Variants in FNDC3B observed in about 807,000 individuals in gnomAD.
FNDC3B encodes fibronectin type III domain-containing protein 3B.
A neutral mutation model predicts 151.5 loss-of-function variants in FNDC3B; 12 were observed. That is an observed-to-expected ratio of 0.08 (90% CI 0.05 to 0.13). FNDC3B has a LOEUF of 0.13. Ranked by LOEUF, FNDC3B falls within the 10% of genes least tolerant of loss-of-function variation. FNDC3B has a pLI of 1.00. For synonymous variants in FNDC3B, 528 were observed against 549.0 expected (o/e 0.96, Z 0.54); for missense variants, 1,214 against 1,505.3 (o/e 0.81, Z 3.20).
intron 2 of FNDC3B, among the ~76,000 whole-genome samples, chr3:172,115,471 T>C (rs1218464798): frequency 1.3e-5 from 2 of 152,216 alleles, no homozygotes; most frequent in Non-Finnish European, 2.9e-5. Flanking sequence ...TGATGTTTGC[T>C]GCCTGCCCTT....
intron 9 of FNDC3B, 171 bp from the exon 10 acceptor site, chr3:172,307,192 G>A (rs1576894623): frequency 1.6e-6 from 1 of 639,674 alleles, no homozygotes; most frequent in African/African-American, 1.8e-5. Context: ...ACTGTCCCCT[G>A]TTAATGCTAA....
intron 6 of FNDC3B, among the ~76,000 whole-genome samples, chr3:172,281,735 G>A (rs1729735503): frequency 6.6e-6 from 1 of 152,138 alleles, no homozygotes; most frequent in African/African-American, 2.4e-5. Flanking sequence ...CAAGTACCAA[G>A]TTCTTAAGAG....
intron 23 of FNDC3B, among the ~76,000 whole-genome samples, chr3:172,364,320 A>C (rs1056232130): frequency 6.6e-6 from 1 of 152,272 alleles, no homozygotes; most frequent in Non-Finnish European, 1.5e-5. Context: ...ATGTCTTTTC[A>C]TTTTTTCCCA....
chr3:172,212,705 T>G (rs1725792889), intron 3 of FNDC3B, among the ~76,000 whole-genome samples: 1 of 152,220 alleles, frequency 6.6e-6, no homozygotes, highest in South Asian at 2.1e-4. Flanking sequence ...GTTTCTTCTC[T>G]TTTACTTTGT....
chr3:172,110,694 C>T (rs1185309984), intron 1 of FNDC3B, among the ~76,000 whole-genome samples: 3 of 151,894 alleles, frequency 2.0e-5, no homozygotes, highest in African/African-American at 4.8e-5. Context: ...TGCACCACAG[C>T]CTCAATAGCA....
intron 4 of FNDC3B, among the ~76,000 whole-genome samples, chr3:172,240,408 A>T (rs150569463): frequency 2.0e-5 from 3 of 152,290 alleles, no homozygotes; most frequent in Non-Finnish European, 2.9e-5. Context: ...CTTGAACTCT[A>T]CCTAACTCCT....
At chr3:172,237,764 A>C (rs2108756244) in intron 4 of FNDC3B, among the ~76,000 whole-genome samples, 1 of 152,348 alleles carries the variant, frequency 6.6e-6, no homozygotes, top group Admixed American at 6.5e-5. Context: ...GTTTAGACTT[A>C]ATCACTGGCA....
intron 11 of FNDC3B, among the ~76,000 whole-genome samples, chr3:172,315,429 T>G (rs1358159716): frequency 3.3e-5 from 5 of 152,206 alleles, no homozygotes; most frequent in African/African-American, 1.2e-4. Flanking sequence ...GCTGTGGCCT[T>G]CAGTTTCGAT....
At chr3:172,209,949 C>A (rs1399392783) in intron 3 of FNDC3B, among the ~76,000 whole-genome samples, 1 of 152,250 alleles carries the variant, frequency 6.6e-6, no homozygotes, top group Non-Finnish European at 1.5e-5. Flanking sequence ...ACACACACAT[C>A]CGGCTGGCTC....
chr3:172,093,281 C>T (rs1364651758), intron 1 of FNDC3B, among the ~76,000 whole-genome samples: 24 of 148,038 alleles, frequency 1.6e-4, no homozygotes, highest in African/African-American at 4.2e-4. Context: ...TTTTTTGAGA[C>T]GGAGTCTTGC....
intron 3 of FNDC3B, among the ~76,000 whole-genome samples, chr3:172,167,801 C>A (rs1723079977): frequency 6.6e-6 from 1 of 152,058 alleles, no homozygotes; most frequent in Non-Finnish European, 1.5e-5. Flanking sequence ...GTGAACTGCG[C>A]ATGTGAAGGA....
chr3:172,043,777 A>C (rs971550179), intron 1 of FNDC3B, among the ~76,000 whole-genome samples: 1 of 152,170 alleles, frequency 6.6e-6, no homozygotes, highest in African/African-American at 2.4e-5. Context: ...CTGGTGGAAA[A>C]ATCTTTAAAT....
intron 3 of FNDC3B, among the ~76,000 whole-genome samples, chr3:172,180,334 T>G (rs1229196318): frequency 2.0e-5 from 3 of 152,182 alleles, no homozygotes; most frequent in African/African-American, 7.2e-5. Context: ...CTCTGCATTT[T>G]AATAAGCCCC....
chr3:172,247,891 G>T, intron 5 of FNDC3B, 115 bp downstream of exon 5: 1 of 1,192,448 alleles, frequency 8.4e-7, no homozygotes, highest in Non-Finnish European at 1.2e-6. Flanking sequence ...GATCTAGGTG[G>T]TTTGTAAGAC....
chr3:172,239,566 T>G (rs572883771), intron 4 of FNDC3B, among the ~76,000 whole-genome samples: 1 of 152,260 alleles, frequency 6.6e-6, no homozygotes, highest in East Asian at 1.9e-4. Context: ...GTGCAGAATC[T>G]GCCCATTTCC....
In FNDC3B at chr3:172,251,568, GTGAA is replaced by G. The variant is rs753304177; in HGVS notation, c.790+29_790+32del. The G allele has an allele frequency of 1.9e-6, 3 of 1,576,242 alleles. No individual in the cohort carries two copies. In the South Asian group the frequency reaches 3.4e-5, roughly 18 times the overall value. Reference sequence around the variant, plus strand: ...TAATACTCAAGATGTTTGCCATAGAGTGAATTATCAAGACAGAGACATCTCAAAT... The same window carrying G: ...TAATACTCAAGATGTTTGCCATAGAGTTATCAAGACAGAGACATCTCAAAT... On this transcript the variant is annotated intron_variant, in intron 6 of 25. Transcript: ENST00000415807.
At chr3:172,210,302 A>G (rs901525492) in intron 3 of FNDC3B, among the ~76,000 whole-genome samples, 1 of 152,186 alleles carries the variant, frequency 6.6e-6, no homozygotes, top group Non-Finnish European at 1.5e-5. Context: ...GATAAAACAG[A>G]TCATTGGATT....
chr3:172,106,605 C>T (rs1376076392), intron 1 of FNDC3B, among the ~76,000 whole-genome samples: 1 of 152,218 alleles, frequency 6.6e-6, no homozygotes, highest in East Asian at 1.9e-4. Context: ...AGGACCAGGA[C>T]ATTTTGTTGT....
chr3:172,393,896 C>T (rs1296179904), intron 25 of FNDC3B, among the ~76,000 whole-genome samples: 1 of 151,830 alleles, frequency 6.6e-6, no homozygotes, highest in African/African-American at 2.4e-5. Flanking sequence ...ATCATGAGGT[C>T]AAGAGATGGA....
Sources: allele counts gnomAD v4.1 joint callset (sites outside exome capture counted in the v4.1 genomes callset), GRCh38; gene constraint gnomAD v4.1.1; transcripts MANE v1.5; gene names NCBI Gene and HGNC (gene_info 2026-07-23, HGNC 2026-07-21).